The following WASF3 variants were observed in gnomAD, a reference collection of about 807,000 sequenced individuals.
WASF3 encodes the protein actin-binding protein WASF3.
Under a neutral mutation model 46.6 loss-of-function variants are expected in WASF3, and 11 were observed. The ratio of observed to expected loss-of-function variants is 0.24; its 90% CI spans 0.15 to 0.39. WASF3 has a LOEUF of 0.39. Ranked by LOEUF, WASF3 falls within the 10% of genes least tolerant of loss-of-function variation. WASF3 has a pLI of 1.00. For synonymous variants in WASF3, 242 were observed against 259.7 expected, an observed-to-expected ratio of 0.93 and a Z score of 0.65; for missense variants, 576 against 669.8, an observed-to-expected ratio of 0.86 and a Z score of 1.55.
At chr13:26,675,650 C>CTCTGTGTGTGTGTGTGTGTGTGTGTGTG (rs1555255547) in intron 6 of WASF3, among the ~76,000 whole-genome samples, 1 of 146,980 alleles carries the variant, frequency 6.8e-6, no homozygotes. Flanking sequence ...GATGCCATGT[C>CTCTGTGTGTGTGTGTGTGTGTGTGTGTG]TGTGTGTGTG....
At chr13:26,564,780 T>G (rs1477261689) in intron 1 of WASF3, among the ~76,000 whole-genome samples, 1 of 152,194 alleles carries the variant, frequency 6.6e-6, no homozygotes, top group Non-Finnish European at 1.5e-5. Flanking sequence ...GATTCATGGT[T>G]ATATAATAAG....
At chr13:26,540,367 T>C in the WASF3 span, among the ~76,000 whole-genome samples, 59,249 of 151,902 alleles carry the variant, frequency 0.39, 11,863 homozygotes, top group South Asian at 0.49. Context: ...AAGGTCAGAG[T>C]CCTGGAGACC....
chr13:26,619,045 C>A (rs1881226034), intron 2 of WASF3: 1 of 152,084 alleles, frequency 6.6e-6, no homozygotes, highest in South Asian at 2.1e-4. Context: ...ACATCTTTTT[C>A]ATCATTTCTG....
At chr13:26,599,229 G>T (rs1410248965) in intron 1 of WASF3, among the ~76,000 whole-genome samples, 1 of 129,474 alleles carries the variant, frequency 7.7e-6, no homozygotes, top group Non-Finnish European at 1.6e-5. Context: ...TGTCACCCAG[G>T]CTGGAGTGCA....
At chr13:26,613,364 T>A (rs1374159882) in intron 2 of WASF3, among the ~76,000 whole-genome samples, 1 of 152,188 alleles carries the variant, frequency 6.6e-6, no homozygotes, top group Non-Finnish European at 1.5e-5. Context: ...TCAGTCTTCT[T>A]ACCTCTGTTT....
intron 1 of WASF3, among the ~76,000 whole-genome samples, chr13:26,582,676 CA>C (rs398022033): frequency 3.0e-4 from 16 of 53,398 alleles, no homozygotes; most frequent in African/African-American, 9.0e-4. Flanking sequence ...GACTCCGTCT[CA>C]AAAAAAAAAA....
At chr13:26,631,845 T>C (rs1357467949) in intron 2 of WASF3, among the ~76,000 whole-genome samples, 1 of 152,136 alleles carries the variant, frequency 6.6e-6, no homozygotes, top group African/African-American at 2.4e-5. Context: ...TCTTTCATTT[T>C]GTTGAGCAGT....
At chr13:26,657,419 C>A (rs935342898) in intron 3 of WASF3, among the ~76,000 whole-genome samples, 3 of 152,170 alleles carry the variant, frequency 2.0e-5, no homozygotes, top group Admixed American at 6.5e-5. Context: ...ATTTGATGTA[C>A]CTGCTAGACA....
intron 1 of WASF3, among the ~76,000 whole-genome samples, chr13:26,608,228 A>G (rs1385797126): frequency 6.6e-6 from 1 of 152,002 alleles, no homozygotes; most frequent in East Asian, 1.9e-4. Flanking sequence ...TTTTCTTTGT[A>G]TTTTACTAGG....
In WASF3 at chr13:26,688,417, T is replaced by C. The variant is rs1362707935; in HGVS notation, c.*2572T>C. 3 of 152,204 alleles carry C rather than the reference T, an allele frequency of 2.0e-5. No individual in the cohort carries two copies. Among genetic ancestry groups the C allele is most frequent in the Non-Finnish European group, 4.4e-5 (3 of 68,036 alleles). The allele number at this position is 152,204 out of a possible 1,614,324, so 9.4% of individuals were successfully genotyped here. A position where few individuals can be genotyped will look rare whatever the true frequency, so the allele number is the denominator to read the frequency against. Reference sequence around the variant, plus strand: ...TCTCCACGTCTGTTTTAGTTTAATGTCTCCTAAGCTTTTCTCTCATAGCGT... The same window carrying C: ...TCTCCACGTCTGTTTTAGTTTAATGCCTCCTAAGCTTTTCTCTCATAGCGT... On this transcript the variant is annotated 3_prime_UTR_variant, in exon 10 of 10. Transcript: ENST00000335327.
the WASF3 span, among the ~76,000 whole-genome samples, chr13:26,551,908 G>A: frequency 6.6e-6 from 1 of 152,164 alleles, no homozygotes; most frequent in African/African-American, 2.4e-5. Flanking sequence ...ATAAAATAGC[G>A]TGAAGACACA....
rs181986612 is a variant in WASF3, at chr13:26,609,946, T to G, written c.-108-3015T>G. ...CTAGTAGCCACTAGCCACATGTTACTATTTAAATGAACATTAGTTAAAATG... is the reference window on the plus strand; with the variant it reads ...CTAGTAGCCACTAGCCACATGTTACGATTTAAATGAACATTAGTTAAAATG... On this transcript the variant is annotated intron_variant, in intron 1 of 9. Transcript: ENST00000335327. 1.8e-3 allele frequency among the ~76,000 whole-genome samples: 270 copies of G among 152,354 alleles called. 2 individuals are homozygous for G. Among genetic ancestry groups the G allele is most frequent in the African/African-American group, 6.2e-3 (259 of 41,588 alleles).
At chr13:26,669,989 A>G (rs1202232455) in intron 5 of WASF3, among the ~76,000 whole-genome samples, 2 of 152,224 alleles carry the variant, frequency 1.3e-5, no homozygotes, top group Non-Finnish European at 2.9e-5. Flanking sequence ...CATTTGACCC[A>G]GCAATCCCAT....
intron 5 of WASF3, among the ~76,000 whole-genome samples, chr13:26,669,513 AAT>A (rs1009099080): frequency 1.1e-5 from 1 of 88,230 alleles, no homozygotes; most frequent in Non-Finnish European, 2.1e-5. Flanking sequence ...CTGAAAAAAA[AAT>A]TTTTTTTTTT....
At chr13:26,677,705 G>A (rs1381478455) in intron 7 of WASF3, among the ~76,000 whole-genome samples, 1 of 152,216 alleles carries the variant, frequency 6.6e-6, no homozygotes, top group East Asian at 1.9e-4. Context: ...AATTATTGGA[G>A]CTTTAACTGA....
At chr13:26,572,861 AC>A (rs1368357387) in intron 1 of WASF3, among the ~76,000 whole-genome samples, 2 of 151,792 alleles carry the variant, frequency 1.3e-5, no homozygotes, top group Non-Finnish European at 2.9e-5. Context: ...CCTGGTATAA[AC>A]TCTTAATGTG....
At chr13:26,611,684 T>A (rs560488747) in intron 1 of WASF3, among the ~76,000 whole-genome samples, 85 of 152,178 alleles carry the variant, frequency 5.6e-4, no homozygotes, top group Admixed American at 1.2e-3. Context: ...TTATGCAGAT[T>A]ACTTAGGAAA....
intron 2 of WASF3, among the ~76,000 whole-genome samples, chr13:26,627,813 C>A (rs1214428158): frequency 1.3e-5 from 2 of 150,336 alleles, no homozygotes; most frequent in Admixed American, 1.3e-4. Flanking sequence ...GTGCAGCACA[C>A]CAGCATGGAA....
At chr13:26,569,892 A>T (rs1879583250) in intron 1 of WASF3, among the ~76,000 whole-genome samples, 1 of 152,256 alleles carries the variant, frequency 6.6e-6, no homozygotes, top group Admixed American at 6.5e-5. Flanking sequence ...TACAGGCGGT[A>T]AAGATTTTTA....
Sources: allele counts gnomAD v4.1 joint callset (sites outside exome capture counted in the v4.1 genomes callset), GRCh38; gene constraint gnomAD v4.1.1; transcripts MANE v1.5; gene names NCBI Gene and HGNC (gene_info 2026-07-23, HGNC 2026-07-21).